ROS1: variants seen among roughly 807,000 people sequenced by gnomAD.
ROS1 encodes the protein ROS proto-oncogene 1, receptor tyrosine kinase.
In ROS1, 263 loss-of-function variants were observed where a neutral mutation model predicts 273.5. That is an observed-to-expected ratio of 0.96 (90% CI 0.87 to 1.06). The LOEUF (loss-of-function observed/expected upper bound fraction) is 1.06, where lower values mean the gene tolerates loss of function less well. ROS1 is among the 50% of genes least tolerant of loss of function. ROS1 has a pLI of 0.00. For missense variants in ROS1, 2,833 were observed against 2,751.1 expected (o/e 1.03, Z -0.67); for synonymous variants, 1,008 against 954.1 (o/e 1.06, Z -1.04).
chr6:117,298,661 T>C (rs1774441890), intron 43 of ROS1, among the ~76,000 whole-genome samples: 1 of 152,186 alleles, frequency 6.6e-6, no homozygotes, highest in African/African-American at 2.4e-5. Context: ...TGTAGTCTTA[T>C]GACAAGGACA....
intron 43 of ROS1, among the ~76,000 whole-genome samples, chr6:117,295,956 T>G (rs73564764): frequency 0.12 from 17,914 of 152,138 alleles, 1,216 homozygotes; most frequent in African/African-American, 0.13. Flanking sequence ...TGAAAATAGA[T>G]CTGCCATTTG....
Position 117,288,715 on chromosome 6 carries a change from T to C in ROS1, c.6803A>G (p.Tyr2268Cys), listed in dbSNP as rs780819532. The C allele has an allele frequency of 1.2e-6, 2 of 1,614,032 alleles. No individual in the cohort carries two copies. Among genetic ancestry groups the C allele is most frequent in the Non-Finnish European group, 8.5e-7 (1 of 1,179,984 alleles). ...GCCACATTCTGTAGCAAGTACCATA[T>C]AGTTTAACCCTTCTCGGTTCTTCGT... is the stretch of plus-strand genomic sequence containing the variant. ...METKNREGLN[Y>C]MVLATECGQG... Residue 2268 changes from tyrosine (Y) to cysteine (C), a missense_variant, in exon 44 of 44, where the codon TAT (tyrosine) becomes TGT (cysteine). Tyr to Cys is a radical substitution (Grantham distance 194, BLOSUM62 -2). Coordinates refer to ENST00000368507, the MANE Select transcript of ROS1 (RefSeq NM_001378902.1).
chr6:117,371,732 G>A (rs1780794775), intron 18 of ROS1, among the ~76,000 whole-genome samples: 1 of 152,198 alleles, frequency 6.6e-6, no homozygotes, highest in African/African-American at 2.4e-5. Flanking sequence ...TGGGAGACAT[G>A]GTGGGAGTGA....
In ROS1 at chr6:117,356,865, T is replaced by C. The variant is rs1408460393; in HGVS notation, c.3890A>G (p.Tyr1297Cys). ...VSNFGYQMFY[Y>C]SIISHTLHRI... is the part of the protein sequence containing the mutation. Reference sequence around the variant, plus strand: ...GTGCAAGGTGTGACTGATAATACTGTAGTAGAACATCTGGTAGCCAAAATT... The same window carrying C: ...GTGCAAGGTGTGACTGATAATACTGCAGTAGAACATCTGGTAGCCAAAATT... Residue 1297 changes from tyrosine (Y) to cysteine (C), a missense_variant, in exon 26 of 44, where the codon TAC becomes TGC. By Grantham distance (194) the Tyr-to-Cys change is radical. Transcript: ENST00000368507. The C allele has an allele frequency of 6.2e-7, 1 of 1,614,130 alleles. No individual in the cohort carries two copies. The highest frequency in any genetic ancestry group is 8.5e-7 in the Non-Finnish European group (1 of 1,179,992).
At chr6:117,349,956 A>G (rs902189954) in intron 27 of ROS1, among the ~76,000 whole-genome samples, 1 of 152,038 alleles carries the variant, frequency 6.6e-6, no homozygotes, top group Non-Finnish European at 1.5e-5. Context: ...ATATGCACAC[A>G]TACATACATA....
Position 117,397,083 on chromosome 6 carries a change from T to G in ROS1, c.638A>C (p.Glu213Ala). ...PETAPLIRNI[E>A]SSSPDTVEVS... The stretch of plus-strand genomic sequence containing the variant: ...TTCCACAGTGTCGGGACTTGAGCTC[T>G]CAATATTCCTAATCAAAGGTGCAGT... Residue 213 changes from glutamate (E) to alanine (A), a missense_variant, in exon 8 of 44, where the codon GAG (glutamate) becomes GCG (alanine). Coordinates refer to ENST00000368507, the MANE Select transcript of ROS1 (RefSeq NM_001378902.1). 1 of 1,613,624 alleles carries G rather than the reference T, an allele frequency of 6.2e-7. No homozygotes were observed. The highest frequency in any genetic ancestry group is 2.2e-5 in the East Asian group (1 of 44,874).
At chr6:117,391,632 T>C (rs1773076394) in intron 12 of ROS1, among the ~76,000 whole-genome samples, 1 of 152,174 alleles carries the variant, frequency 6.6e-6, no homozygotes, top group Admixed American at 6.5e-5. Context: ...AAACACAAAC[T>C]ATTGCTGAAA....
intron 1 of ROS1, among the ~76,000 whole-genome samples, chr6:117,420,998 C>A (rs1051723375): frequency 1.3e-5 from 2 of 151,636 alleles, no homozygotes; most frequent in Non-Finnish European, 2.9e-5. Flanking sequence ...TTACATCCAA[C>A]CAACAATTCA....
chr6:117,356,900 T>G lies in ROS1; in HGVS notation c.3855A>C (p.Thr1285=). 1 of 1,613,762 alleles carries G rather than the reference T, an allele frequency of 6.2e-7. No individual in the cohort carries two copies. The highest frequency in any genetic ancestry group is 8.5e-7 in the Non-Finnish European group (1 of 1,179,806). ...TCTGGTAGCCAAAATTGGAAACTTCTGTCCAATACAAGCGACTATAGAGGA... is the reference window on the plus strand; with the variant it reads ...TCTGGTAGCCAAAATTGGAAACTTCGGTCCAATACAAGCGACTATAGAGGA... ...VYPLLSRLYW[T]EVSNFGYQMF... The change falls in exon 26 of 44, where the codon ACA becomes ACC. Residue 1285 remains threonine, a synonymous_variant. Coordinates refer to ENST00000368507, the MANE Select transcript of ROS1 (RefSeq NM_001378902.1).
In ROS1 at chr6:117,308,903, T is replaced by A. The variant is rs2128546344; in HGVS notation, c.6442A>T (p.Ile2148Phe). Residue 2148 changes from isoleucine (I) to phenylalanine (F), a missense_variant, in exon 42 of 44, where the codon ATT becomes TTT. Coordinates refer to ENST00000368507, the MANE Select transcript of ROS1 (RefSeq NM_001378902.1). The stretch of plus-strand genomic sequence containing the variant: ...TAAGGCTGATGACCAAGAGTTAAAA[T>A]CTCCCAAATCAGAATTCCAAAAGAC... ...VWSFGILIWE[I>F]LTLGHQPYPA... The A allele has an allele frequency of 6.2e-7, 1 of 1,613,212 alleles. No homozygotes were observed. The highest frequency in any genetic ancestry group is 8.5e-7 in the Non-Finnish European group (1 of 1,179,488).
chr6:117,327,474 T>C (rs1776725514), intron 33 of ROS1, among the ~76,000 whole-genome samples: 1 of 152,160 alleles, frequency 6.6e-6, no homozygotes, highest in Admixed American at 6.5e-5. Context: ...ACAATGGCCA[T>C]TGAGAAAAGA....
At chr6:117,301,158 G>A (rs777712178) in intron 42 of ROS1, 21 bp from the exon 43 acceptor site, 5 of 1,558,330 alleles carry the variant, frequency 3.2e-6, no homozygotes, top group Non-Finnish European at 4.3e-6. Context: ...GGGGAAAGAT[G>A]GGAAAGTAAA....
At chr6:117,396,787 C>T in intron 8 of ROS1, 128 bp downstream of exon 8, 2 of 712,756 alleles carry the variant, frequency 2.8e-6, no homozygotes, top group Non-Finnish European at 4.7e-6. Flanking sequence ...ATGACTTCAA[C>T]CCAACACCAT....
chr6:117,378,797 G>A (rs1035998073), intron 18 of ROS1, among the ~76,000 whole-genome samples: 2 of 152,020 alleles, frequency 1.3e-5, no homozygotes, highest in African/African-American at 4.8e-5. Context: ...AAGCAGAAAA[G>A]CTTATCCATA....
intron 9 of ROS1, among the ~76,000 whole-genome samples, chr6:117,395,379 C>G (rs1773407849): frequency 6.6e-6 from 1 of 152,146 alleles, no homozygotes; most frequent in Non-Finnish European, 1.5e-5. Context: ...AAATACCTCT[C>G]CTTTCCTAGA....
At chr6:117,329,741 C>CGGGGAAGGGGA (rs1359067778) in intron 32 of ROS1, among the ~76,000 whole-genome samples, 1 of 151,960 alleles carries the variant, frequency 6.6e-6, no homozygotes, top group Non-Finnish European at 1.5e-5. Context: ...GAGAACCACA[C>CGGGGAAGGGGA]GGGGAAGGGG....
chr6:117,320,654 G>A (rs968391068), intron 36 of ROS1, among the ~76,000 whole-genome samples: 4 of 152,168 alleles, frequency 2.6e-5, no homozygotes, highest in African/African-American at 9.6e-5. Context: ...AGCTGATTTA[G>A]ATCACCTTTG....
chr6:117,403,916 AC>A (rs1423029257), intron 6 of ROS1, among the ~76,000 whole-genome samples: 2 of 152,142 alleles, frequency 1.3e-5, no homozygotes, highest in South Asian at 4.1e-4. Context: ...GAAGGCCTTT[AC>A]GCTTATAAGT....
chr6:117,407,641 C>G (rs1358415352), intron 5 of ROS1, among the ~76,000 whole-genome samples: 4 of 152,120 alleles, frequency 2.6e-5, no homozygotes, highest in African/African-American at 4.8e-5. Context: ...ACATACTGCC[C>G]AAAGTAATTT....
Sources: gnomAD v4.1 joint callset for allele counts (sites outside exome capture counted in the v4.1 genomes callset) on GRCh38, gnomAD v4.1.1 for gene constraint, MANE v1.5 for transcripts, NCBI Gene and HGNC (gene_info 2026-07-23, HGNC 2026-07-21) for gene names.